PTPRM: variants seen among roughly 807,000 people sequenced by gnomAD.
PTPRM encodes protein tyrosine phosphatase receptor type M.
PTPRM carries 47 observed loss-of-function variants against 186.7 expected under a neutral mutation model. That is an observed-to-expected ratio of 0.25 (90% CI 0.20 to 0.32). The LOEUF is 0.32. PTPRM is among the 10% of genes least tolerant of loss of function. The probability of loss-of-function intolerance (pLI) is 1.00; values close to 1 mark genes in which losing one functional copy is unlikely to be tolerated. For missense variants in PTPRM, 1,494 were observed against 1,865.0 expected (o/e 0.80, Z 3.66); for synonymous variants, 668 against 674.9 (o/e 0.99, Z 0.16).
In PTPRM at chr18:8,228,002, G is replaced by T. The variant is rs534443594; in HGVS notation, c.2301-16056G>T. On this transcript the variant is annotated intron_variant, in intron 14 of 32. Transcript: ENST00000580170. ...AACTAAACAAAATATTACTAAGGATGACAGATACTACATCTATTATTTTTA... is the reference window on the plus strand; with the variant it reads ...AACTAAACAAAATATTACTAAGGATTACAGATACTACATCTATTATTTTTA... 1.5e-4 allele frequency among the ~76,000 whole-genome samples: 23 copies of T among 152,346 alleles called. No individual in the cohort carries two copies. In the South Asian group the frequency reaches 4.8e-3, roughly 32 times the overall value.
chr18:7,666,582 T>TC lies in PTPRM; in HGVS notation c.73+98693dup, dbSNP rs1598333281. Reference sequence around the variant, plus strand: ...GCAATTATATAGATTTAATTCCACCTCCAACAGTTCTAGGCTGTCTTCTGG... The same window carrying TC: ...GCAATTATATAGATTTAATTCCACCTCCCAACAGTTCTAGGCTGTCTTCTGG... On this transcript the variant is annotated intron_variant, in intron 1 of 32. Coordinates refer to ENST00000580170, the MANE Select transcript of PTPRM (RefSeq NM_001105244.2). Among the ~76,000 whole-genome samples, 3 of 152,336 alleles carry TC rather than the reference T, an allele frequency of 2.0e-5. No homozygotes were observed. In the East Asian group the frequency reaches 5.8e-4, roughly 29 times the overall value.
chr18:8,311,617 A>G (rs76570679), intron 20 of PTPRM, among the ~76,000 whole-genome samples: 1,838 of 152,312 alleles, frequency 0.012, 28 homozygotes, highest in African/African-American at 0.041. Flanking sequence ...GAAAAAAGAT[A>G]CTACCATGTA....
intron 1 of PTPRM, among the ~76,000 whole-genome samples, chr18:7,605,429 A>C (rs200812093): frequency 1.1e-4 from 16 of 140,142 alleles, no homozygotes; most frequent in African/African-American, 3.3e-4. Flanking sequence ...TCCCCCCCCC[A>C]CTTCCGTTCT....
At position 7,803,767 on chromosome 18, in the gene PTPRM, G is replaced by A. The variant is rs75551554; in HGVS notation, c.196+29496G>A. 3.7e-4 allele frequency among the ~76,000 whole-genome samples: 56 copies of A among 152,236 alleles called. No homozygotes were observed. The East Asian group carries it at 6.8e-3, about 18-fold the overall frequency. On this transcript the variant is annotated intron_variant, in intron 2 of 32. Transcript: ENST00000580170. ...GAATGATATTAATGTAATTAGATTT[G>A]AGTTATTGAAAACTTCCTCTACCTG...
At chr18:7,702,468 G>C (rs1433510220) in intron 1 of PTPRM, among the ~76,000 whole-genome samples, 1 of 151,996 alleles carries the variant, frequency 6.6e-6, no homozygotes, top group Non-Finnish European at 1.5e-5. Context: ...TTTCATGTTT[G>C]TTGGCCTCAT....
intron 21 of PTPRM, among the ~76,000 whole-genome samples, chr18:8,318,294 T>C (rs1436428948): frequency 1.6e-5 from 2 of 129,014 alleles, no homozygotes; most frequent in Admixed American, 8.0e-5. Flanking sequence ...TCTTTTTTTT[T>C]TTTTTTTTTT....
chr18:8,019,807 T>C (rs1182218591), intron 7 of PTPRM, among the ~76,000 whole-genome samples: 1 of 147,526 alleles, frequency 6.8e-6, no homozygotes, highest in East Asian at 1.9e-4. Context: ...TAATATAATA[T>C]AAATAATATT....
At chr18:8,203,248 T>A (rs997632632) in intron 14 of PTPRM, among the ~76,000 whole-genome samples, 3 of 152,192 alleles carry the variant, frequency 2.0e-5, no homozygotes, top group African/African-American at 7.2e-5. Flanking sequence ...ACATTAACAT[T>A]AGTAGAGTTC....
intron 4 of PTPRM, among the ~76,000 whole-genome samples, chr18:7,921,372 C>T (rs1352374183): frequency 6.8e-6 from 1 of 146,888 alleles, no homozygotes; most frequent in Non-Finnish European, 1.5e-5. Flanking sequence ...TGTTAAGAGC[C>T]TCTAATGAAT....
chr18:7,902,899 C>A, intron 3 of PTPRM, among the ~76,000 whole-genome samples: 1 of 141,322 alleles, frequency 7.1e-6, no homozygotes, highest in African/African-American at 2.7e-5. Flanking sequence ...TAGCTTTAAA[C>A]AAAACATTAT....
At chr18:8,306,333 A>G (rs1185750788) in intron 20 of PTPRM, among the ~76,000 whole-genome samples, 6 of 152,192 alleles carry the variant, frequency 3.9e-5, no homozygotes, top group Admixed American at 2.0e-4. Flanking sequence ...GAAGCTCAGC[A>G]GGACTCCAAA....
intron 11 of PTPRM, among the ~76,000 whole-genome samples, chr18:8,107,420 T>C (rs2091571049): frequency 6.6e-6 from 1 of 152,208 alleles, no homozygotes; most frequent in Non-Finnish European, 1.5e-5. Context: ...CCTTTGTTCA[T>C]AATATGGGAT....
At chr18:8,389,239 C>G (rs1419615370) in intron 31 of PTPRM, among the ~76,000 whole-genome samples, 3 of 152,170 alleles carry the variant, frequency 2.0e-5, no homozygotes. Context: ...ATGCATCGCT[C>G]CCCCCGGGAT....
At chr18:8,002,387 G>C (rs1005262567) in intron 7 of PTPRM, among the ~76,000 whole-genome samples, 17 of 152,306 alleles carry the variant, frequency 1.1e-4, no homozygotes, top group Middle Eastern at 3.4e-3. Flanking sequence ...GCTAGCTCTT[G>C]AGTAGGTTAG....
At chr18:7,665,455 C>T (rs376977073) in intron 1 of PTPRM, among the ~76,000 whole-genome samples, 5 of 152,238 alleles carry the variant, frequency 3.3e-5, no homozygotes, top group African/African-American at 1.2e-4. Flanking sequence ...TTTTTCCAGG[C>T]ATACTATGTA....
At chr18:7,581,033 C>A (rs998557132) in intron 1 of PTPRM, among the ~76,000 whole-genome samples, 1 of 152,210 alleles carries the variant, frequency 6.6e-6, no homozygotes, top group South Asian at 2.1e-4. Context: ...ACACAGTGAG[C>A]AATATAACCC....
intron 20 of PTPRM, among the ~76,000 whole-genome samples, chr18:8,298,107 G>A (rs2147893094): frequency 6.6e-6 from 1 of 152,294 alleles, no homozygotes. Context: ...GTGACACAGG[G>A]TTTTGTTGCA....
chr18:7,849,401 C>T (rs2046757161), intron 2 of PTPRM, among the ~76,000 whole-genome samples: 1 of 152,156 alleles, frequency 6.6e-6, no homozygotes. Context: ...GAGAATGAAT[C>T]CTAGATGGGT....
intron 11 of PTPRM, among the ~76,000 whole-genome samples, chr18:8,090,108 C>T (rs552430213): frequency 3.3e-5 from 5 of 152,236 alleles, no homozygotes; most frequent in Admixed American, 2.6e-4. Context: ...CTCCCCAGGC[C>T]CTCTGGGTTG....
Sources: allele counts gnomAD v4.1 joint callset (sites outside exome capture counted in the v4.1 genomes callset), GRCh38; gene constraint gnomAD v4.1.1; transcripts MANE v1.5; gene names NCBI Gene and HGNC (gene_info 2026-07-23, HGNC 2026-07-21).